Variants in MCF2L2 observed in about 807,000 individuals in gnomAD.
MCF2L2 encodes MCF.2 cell line derived transforming sequence-like 2, also known as probable guanine nucleotide exchange factor MCF2L2.
Under a neutral mutation model 150.2 loss-of-function variants are expected in MCF2L2, and 102 were observed. That is an observed-to-expected ratio of 0.68 (90% confidence interval 0.58 to 0.80). The LOEUF (loss-of-function observed/expected upper bound fraction) is 0.80. MCF2L2 is among the 30% of genes least tolerant of loss of function. The pLI, the probability that MCF2L2 is intolerant of heterozygous loss-of-function variation, is 0.00. For missense variants in MCF2L2, 1,256 were observed against 1,372.8 expected, an observed-to-expected ratio of 0.91 and a Z score of 1.34; for synonymous variants, 465 against 491.3, an observed-to-expected ratio of 0.95 and a Z score of 0.71.
rs541411252 is a variant in MCF2L2, at chr3:183,323,218, C to T, written c.603+17G>A. 53 of 1,552,352 alleles carry T rather than the reference C, an allele frequency of 3.4e-5. No individual in the cohort carries two copies. The highest frequency in any genetic ancestry group is 8.4e-5 in the Admixed American group (5 of 59,562). On this transcript the variant is annotated intron_variant, in intron 6 of 29. Coordinates refer to ENST00000328913, the MANE Select transcript of MCF2L2 (RefSeq NM_015078.4). ...ACAAGGAGAGACAGTGAAAAGCACA[C>T]GTAAGCTGGTACTCACAGTGCGGTG...
rs757114345 is a variant in MCF2L2, at chr3:183,305,440, G to A, written c.1113+4276C>T. On this transcript the variant is annotated intron_variant, in intron 10 of 29. Coordinates refer to ENST00000328913, the MANE Select transcript of MCF2L2 (RefSeq NM_015078.4). This position sits in a 1 kb window ranked among gnomAD's most constrained non-coding sequence, Gnocchi z 4.1. ...AATCACCCTGTGGTGATCAGAGCCT[G>A]CCCTTCCCTCAGCATACAGTATTTC... 2.1e-4 allele frequency among the ~76,000 whole-genome samples: 32 copies of A among 152,092 alleles called. No homozygotes were observed. The highest frequency in any genetic ancestry group is 3.4e-4 in the Non-Finnish European group (23 of 68,030).
rs2108510076 is a variant in MCF2L2 at position 183,311,705 on chromosome 3, T to C, written c.821A>G (p.Lys274Arg). 3.1e-6 allele frequency: 5 copies of C among 1,614,150 alleles called. No homozygotes were observed. In the East Asian group the frequency reaches 1.1e-4, roughly 36 times the overall value. Reference protein sequence around the residue: ...LLSCIQEPATKCPNSKLNLNQ... With the variant: ...LLSCIQEPATRCPNSKLNLNQ... Reference sequence around the variant, plus strand: ...GAGATTGAGTTTGCTGTTGGGACATTTGGTTGCTGGTTCTTGGATGCATGA... The same window carrying C: ...GAGATTGAGTTTGCTGTTGGGACATCTGGTTGCTGGTTCTTGGATGCATGA... The change falls in exon 8 of 30, where the codon AAA becomes AGA. Residue 274 changes from lysine to arginine, a missense_variant. Coordinates refer to ENST00000328913, the MANE Select transcript of MCF2L2 (RefSeq NM_015078.4).
intron 26 of MCF2L2, among the ~76,000 whole-genome samples, chr3:183,193,320 C>T (rs1410822281): frequency 1.3e-5 from 2 of 151,836 alleles, no homozygotes; most frequent in African/African-American, 2.4e-5. Flanking sequence ...ACACAGCAAA[C>T]ATCTAATTGG....
chr3:183,384,693 G>C (rs1208653422), intron 2 of MCF2L2, among the ~76,000 whole-genome samples: 1 of 152,092 alleles, frequency 6.6e-6, no homozygotes, highest in Non-Finnish European at 1.5e-5. Flanking sequence ...ACTGATTTGA[G>C]TAATAACAAA....
intron 1 of MCF2L2, among the ~76,000 whole-genome samples, chr3:183,413,952 C>T (rs1374192355): frequency 6.6e-6 from 1 of 152,114 alleles, no homozygotes; most frequent in Non-Finnish European, 1.5e-5. Flanking sequence ...GGAAGAAAAT[C>T]CACGTATAAG....
At chr3:183,412,171 T>C (rs993688171) in intron 1 of MCF2L2, among the ~76,000 whole-genome samples, 1 of 152,188 alleles carries the variant, frequency 6.6e-6, no homozygotes, top group East Asian at 1.9e-4. Context: ...AAGTTTTAAA[T>C]TAATTGTATA....
At position 183,270,838 on chromosome 3, in the gene MCF2L2, G is replaced by GT; in HGVS notation, c.1862+6033dup. 2 of 1,613,692 alleles carry GT rather than the reference G, an allele frequency of 1.2e-6. No homozygotes were observed. Among genetic ancestry groups the GT allele is most frequent in the African/African-American group, 1.3e-5 (1 of 74,990 alleles). On this transcript the variant is annotated intron_variant, in intron 15 of 29. Coordinates refer to ENST00000328913, the MANE Select transcript of MCF2L2 (RefSeq NM_015078.4). This position sits in a 1 kb window ranked among gnomAD's most constrained non-coding sequence, Gnocchi z 4.5. ...CCTAAAGTAAAAACCATTTCCAAAG[G>GT]TTTTTTTGGTCAAATATACTGCAGA...
intron 25 of MCF2L2, among the ~76,000 whole-genome samples, chr3:183,196,006 C>A (rs544527978): frequency 6.6e-6 from 1 of 152,300 alleles, no homozygotes; most frequent in East Asian, 1.9e-4. Context: ...CCTGCCCCTG[C>A]ACTCTTCTGG....
At chr3:183,297,252 G>A (rs541269729) in intron 11 of MCF2L2, 85 bp from the exon 12 acceptor site, 3 of 1,196,752 alleles carry the variant, frequency 2.5e-6, no homozygotes, top group Non-Finnish European at 3.6e-6. Context: ...GAGCTTGTAA[G>A]GTGTCTACAA....
rs1453937421 is a variant in MCF2L2 at position 183,283,813 on chromosome 3, C to T, written c.1776+5307G>A. Among the ~76,000 whole-genome samples, 6 of 152,200 alleles carry T rather than the reference C, an allele frequency of 3.9e-5. No homozygotes were observed. The highest frequency in any genetic ancestry group is 6.5e-5 in the Admixed American group (1 of 15,284). ...CTGGGATTACAGGTGTGAGCCACCACGACCAGCCTTATTTATTCTTTAGAG... is the reference window on the plus strand; with the variant it reads ...CTGGGATTACAGGTGTGAGCCACCATGACCAGCCTTATTTATTCTTTAGAG... On this transcript the variant is annotated intron_variant, in intron 14 of 29. Transcript: ENST00000328913. The surrounding 1 kb of genome is among the most constrained non-coding windows in gnomAD (Gnocchi z 4.2).
chr3:183,334,220 T>C (rs1730379975), intron 5 of MCF2L2, among the ~76,000 whole-genome samples: 1 of 152,210 alleles, frequency 6.6e-6, no homozygotes, highest in African/African-American at 2.4e-5. Flanking sequence ...AATCATTATT[T>C]TGTAACCAAT....
At chr3:183,187,979 G>A (rs184204410) in intron 27 of MCF2L2, among the ~76,000 whole-genome samples, 2 of 152,298 alleles carry the variant, frequency 1.3e-5, no homozygotes, top group East Asian at 3.9e-4. Context: ...AAGGAGAAAC[G>A]GGTCCTAGTC....
At chr3:183,368,897 C>G (rs532431082) in intron 3 of MCF2L2, among the ~76,000 whole-genome samples, 24 of 152,174 alleles carry the variant, frequency 1.6e-4, no homozygotes, top group Non-Finnish European at 3.4e-4. Context: ...TTATCATCTC[C>G]GTGAGGATGA....
chr3:183,221,853 C>A (rs1019995039), intron 20 of MCF2L2, among the ~76,000 whole-genome samples: 1 of 152,104 alleles, frequency 6.6e-6, no homozygotes, highest in Admixed American at 6.6e-5. Flanking sequence ...CCAAGCCCTC[C>A]GCATGTGCTA....
chr3:183,225,205 TTC>T (rs1239710678), intron 18 of MCF2L2: 7 of 152,280 alleles, frequency 4.6e-5, no homozygotes, highest in African/African-American at 1.7e-4. Flanking sequence ...CTGTAGCTCT[TTC>T]TTTCTCCCAA....
intron 1 of MCF2L2, among the ~76,000 whole-genome samples, chr3:183,395,482 ATG>A (rs1339057760): frequency 2.0e-5 from 3 of 152,248 alleles, no homozygotes; most frequent in African/African-American, 4.8e-5. Context: ...ACGGAAAAGT[ATG>A]CACTGGTAGC....
chr3:183,240,030 T>C (rs920698879), intron 15 of MCF2L2, among the ~76,000 whole-genome samples: 8 of 152,184 alleles, frequency 5.3e-5, no homozygotes, highest in African/African-American at 1.4e-4. Flanking sequence ...CAACATCCCT[T>C]ATATTCTCTC....
At position 183,426,059 on chromosome 3, in the gene MCF2L2, A is replaced by C. The variant is rs867259545; in HGVS notation, c.76+1843T>G. On this transcript the variant is annotated intron_variant, in intron 1 of 29. Transcript: ENST00000328913. The stretch of plus-strand genomic sequence containing the variant: ...CCCATTTCACAGGTTTTATTAGATT[A>C]AGTATGAGGAGACAGAATCTTGCAA... Among the ~76,000 whole-genome samples, 3 of 152,158 alleles carry C rather than the reference A, an allele frequency of 2.0e-5. No homozygotes were observed. In the South Asian group the frequency reaches 6.2e-4, roughly 32 times the overall value.
intron 25 of MCF2L2, among the ~76,000 whole-genome samples, chr3:183,205,378 C>CA (rs1722436395): frequency 6.6e-6 from 1 of 151,792 alleles, no homozygotes. Context: ...AACTCCATCT[C>CA]AAAACAAAAC....
Sources: gnomAD v4.1 joint callset for allele counts (sites outside exome capture counted in the v4.1 genomes callset) on GRCh38, gnomAD v4.1.1 for gene constraint, Gnocchi (gnomAD v3.1) non-coding constraint, MANE v1.5 for transcripts, NCBI Gene and HGNC (gene_info 2026-07-23, HGNC 2026-07-21) for gene names.